Variants in ZSCAN25 observed in about 807,000 individuals in gnomAD.
The protein encoded by ZSCAN25 is zinc finger and SCAN domain containing 25.
In ZSCAN25, 27 loss-of-function variants were observed where a neutral mutation model predicts 38.7. The observed-to-expected ratio is 0.70, with a 90% CI of 0.51 to 0.96. The LOEUF is 0.96. Among genes scored for constraint, ZSCAN25 ranks in the 40% least tolerant of loss-of-function variants. ZSCAN25 has a pLI of 0.00. For synonymous variants in ZSCAN25, 273 were observed against 277.7 expected (o/e 0.98, Z 0.17); for missense variants, 637 against 705.9 (o/e 0.90, Z 1.11).
the ZSCAN25 span, among the ~76,000 whole-genome samples, chr7:99,729,228 AC>A: frequency 1.3e-5 from 2 of 152,194 alleles, no homozygotes; most frequent in Non-Finnish European, 2.9e-5. Context: ...ATATAAAAAC[AC>A]ATTCAGACTA....
rs1807807686 is a variant in ZSCAN25, at chr7:99,629,568, A to G, written c.1183A>G (p.Arg395Gly). ...GAGAGAATACCTGATGAAGCACCAG[A>G]GAACCCACCTGGGAAAGAGGCCCTA... ...TLREYLMKHQ[R>G]THLGKRPYVC... Residue 395 changes from arginine to glycine, a missense_variant, in exon 8 of 8, where the codon AGA becomes GGA. Transcript: ENST00000394152. The surrounding 1 kb of genome is among the most constrained non-coding windows in gnomAD (Gnocchi z 5.6). 1 of 1,614,098 alleles carries G rather than the reference A, an allele frequency of 6.2e-7. No homozygotes were observed. The highest frequency in any genetic ancestry group is 1.1e-5 in the South Asian group (1 of 91,086).
At chr7:99,685,555 G>C in the ZSCAN25 span, among the ~76,000 whole-genome samples, 1 of 152,226 alleles carries the variant, frequency 6.6e-6, no homozygotes, top group Non-Finnish European at 1.5e-5. Context: ...TTGCCTTTGT[G>C]CAAACTTGTG....
chr7:99,734,953 G>A, the ZSCAN25 span: 1 of 1,608,094 alleles, frequency 6.2e-7, no homozygotes, highest in Non-Finnish European at 8.5e-7. Context: ...AAACAGATAA[G>A]GGAAAGAGAG....
the ZSCAN25 span, among the ~76,000 whole-genome samples, chr7:99,649,136 C>G: frequency 6.6e-6 from 1 of 152,080 alleles, no homozygotes; most frequent in Non-Finnish European, 1.5e-5. Flanking sequence ...GCCTGAGATG[C>G]CTGAGAGCTT....
the ZSCAN25 span, among the ~76,000 whole-genome samples, chr7:99,682,124 A>G: frequency 6.6e-6 from 1 of 152,126 alleles, no homozygotes; most frequent in Non-Finnish European, 1.5e-5. Context: ...ACGCACCAGC[A>G]TGTCCAGCTA....
the ZSCAN25 span, among the ~76,000 whole-genome samples, chr7:99,677,730 C>A: frequency 6.6e-6 from 1 of 152,226 alleles, no homozygotes; most frequent in Non-Finnish European, 1.5e-5. Context: ...GCACCACCTG[C>A]CAAAGCCAGG....
chr7:99,735,140 A>G, the ZSCAN25 span: 1 of 1,611,756 alleles, frequency 6.2e-7, no homozygotes, highest in Non-Finnish European at 8.5e-7. Flanking sequence ...TTTTTTCAGC[A>G]GCGTGCTGCT....
the ZSCAN25 span, chr7:99,666,467 C>T: frequency 5.3e-6 from 5 of 947,242 alleles, no homozygotes; most frequent in African/African-American, 8.1e-5. Context: ...TCTTAGGTGG[C>T]TCTTTGGAGT....
chr7:99,648,488 A>T, the ZSCAN25 span: 338 of 716,282 alleles, frequency 4.7e-4, no homozygotes, highest in Non-Finnish European at 6.4e-4. Context: ...TATGACAAAA[A>T]TGCTTTGCAA....
the ZSCAN25 span, among the ~76,000 whole-genome samples, chr7:99,698,399 T>C: frequency 1.6e-4 from 24 of 152,320 alleles, no homozygotes; most frequent in African/African-American, 5.5e-4. Flanking sequence ...TGAATATCTC[T>C]TTGGAGTTCT....
At chr7:99,710,433 T>G in the ZSCAN25 span, among the ~76,000 whole-genome samples, 1 of 152,190 alleles carries the variant, frequency 6.6e-6, no homozygotes, top group African/African-American at 2.4e-5. Flanking sequence ...TCAAGACGTG[T>G]GAGCAATATG....
At chr7:99,733,790 A>G in the ZSCAN25 span, among the ~76,000 whole-genome samples, 3 of 152,248 alleles carry the variant, frequency 2.0e-5, no homozygotes, top group Non-Finnish European at 4.4e-5. Flanking sequence ...TTTTGCTATC[A>G]TCACTGGCTC....
Position 99,629,239 on chromosome 7 carries a change from A to G in ZSCAN25, c.854A>G (p.Lys285Arg), listed in dbSNP as rs1426083171. The change falls in exon 8 of 8, where the codon AAA (lysine) becomes AGA (arginine). Residue 285 changes from lysine (K) to arginine (R), a missense_variant. Physicochemically the swap from Lys to Arg is conservative, Grantham distance 26. Transcript: ENST00000394152. The surrounding 1 kb of genome is among the most constrained non-coding windows in gnomAD (Gnocchi z 5.6). ...KEAKPPQEDLKGALVALTSER... is the reference protein window; with the variant it reads ...KEAKPPQEDLRGALVALTSER... ...GCAAAACCCCCACAGGAAGACCTGA[A>G]AGGGGCGCTGGTGGCACTGACATCA... is the stretch of plus-strand genomic sequence containing the variant. 6 of 1,613,848 alleles carry G rather than the reference A, an allele frequency of 3.7e-6. No homozygotes were observed. Among genetic ancestry groups the G allele is most frequent in the Non-Finnish European group, 5.1e-6 (6 of 1,179,870 alleles).
At chr7:99,725,501 C>T in the ZSCAN25 span, among the ~76,000 whole-genome samples, 3 of 152,210 alleles carry the variant, frequency 2.0e-5, no homozygotes, top group East Asian at 3.9e-4. Flanking sequence ...GCCACAGCTC[C>T]CAGGGGCTCC....
At chr7:99,696,382 G>A in the ZSCAN25 span, among the ~76,000 whole-genome samples, 1 of 152,052 alleles carries the variant, frequency 6.6e-6, no homozygotes, top group Middle Eastern at 3.2e-3. Context: ...TCTAAGCTCT[G>A]ACCCTATTTT....
chr7:99,622,911 A>G (rs1807113211), intron 6 of ZSCAN25, among the ~76,000 whole-genome samples: 2 of 152,080 alleles, frequency 1.3e-5, no homozygotes, highest in African/African-American at 4.8e-5. Context: ...GGTTCACATC[A>G]TTCTCCTGCC....
chr7:99,692,510 T>G, the ZSCAN25 span, among the ~76,000 whole-genome samples: 1 of 152,250 alleles, frequency 6.6e-6, no homozygotes, highest in Non-Finnish European at 1.5e-5. Context: ...GGTTCCATTC[T>G]CCCTGTCCCT....
the ZSCAN25 span, among the ~76,000 whole-genome samples, chr7:99,690,885 C>T: frequency 2.0e-5 from 3 of 152,096 alleles, no homozygotes; most frequent in Non-Finnish European, 2.9e-5. Flanking sequence ...GTCAGTGTGG[C>T]GATTCCTCAG....
chr7:99,702,352 A>G, the ZSCAN25 span, among the ~76,000 whole-genome samples: 1 of 152,114 alleles, frequency 6.6e-6, no homozygotes, highest in African/African-American at 2.4e-5. Flanking sequence ...CAGCCTCTCA[A>G]AGTGCTGGGA....
Sources: allele counts gnomAD v4.1 joint callset (sites outside exome capture counted in the v4.1 genomes callset), GRCh38; gene constraint gnomAD v4.1.1; non-coding constraint Gnocchi (gnomAD v3.1); transcripts MANE v1.5; gene names NCBI Gene and HGNC (gene_info 2026-07-23, HGNC 2026-07-21).